The following IKBKB variants were observed in gnomAD, a reference collection of about 807,000 sequenced individuals.
IKBKB encodes the protein inhibitor of nuclear factor kappa B kinase subunit beta.
Under a neutral mutation model 113.6 loss-of-function variants are expected in IKBKB, and 42 were observed. That is an observed-to-expected ratio of 0.37 (90% CI 0.29 to 0.48). The LOEUF (loss-of-function observed/expected upper bound fraction) is 0.48. Among genes scored for constraint, IKBKB ranks in the 20% least tolerant of loss-of-function variants. IKBKB has a pLI of 0.99. For missense variants in IKBKB, 673 were observed against 939.7 expected (o/e 0.72, Z 3.71); for synonymous variants, 296 against 361.3 (o/e 0.82, Z 2.05).
Position 42,316,869 on chromosome 8 carries a change from GAT to G in IKBKB, c.1092_1093del (p.Asp364GlufsTer14). The G allele has an allele frequency of 1.9e-6, 3 of 1,614,016 alleles. No individual in the cohort carries two copies. The highest frequency in any genetic ancestry group is 2.5e-6 in the Non-Finnish European group (3 of 1,180,004). On this transcript the variant is annotated frameshift_variant, in exon 11 of 22. Coordinates refer to ENST00000520810, the MANE Select transcript of IKBKB (RefSeq NM_001556.3). LOFTEE classifies it high-confidence loss of function. This position sits in a 1 kb window ranked among gnomAD's most constrained non-coding sequence, Gnocchi z 4.5. ...GGAAGCGGGCCTGGCGTTGATCCCC[GAT>G]AAGCCTGCCACTCAGTGTATTTCAG... ...LQEAGLALIP[D>X]KPATQCISDG... is the part of the protein sequence containing the mutation.
chr8:42,302,708 A>G (rs1815476905), intron 5 of IKBKB, among the ~76,000 whole-genome samples: 1 of 152,186 alleles, frequency 6.6e-6, no homozygotes, highest in African/African-American at 2.4e-5. Context: ...TATATGAAAC[A>G]AATGAATTTT....
intron 20 of IKBKB, chr8:42,326,395 CT>C: frequency 3.1e-6 from 1 of 324,512 alleles, no homozygotes; most frequent in Non-Finnish European, 5.8e-6. Context: ...GCCACATTCC[CT>C]TCAGGGAGGC....
intron 5 of IKBKB, 28 bp from the exon 6 acceptor site, chr8:42,305,159 A>G (rs755852638): frequency 1.3e-6 from 2 of 1,538,540 alleles, no homozygotes; most frequent in South Asian, 1.1e-5. Context: ...TTTTAGGCCT[A>G]AGAAAAACTC....
chr8:42,316,520 TCATAGC>T lies in IKBKB; in HGVS notation c.930+184_931-182del, dbSNP rs1818709085. Among the ~76,000 whole-genome samples the T allele has an allele frequency of 6.6e-6, 1 of 152,082 alleles. No homozygotes were observed. Among genetic ancestry groups the T allele is most frequent in the African/African-American group, 2.4e-5 (1 of 41,396 alleles). On this transcript the variant is annotated intron_variant, in intron 10 of 21. Transcript: ENST00000520810. The surrounding 1 kb of genome is among the most constrained non-coding windows in gnomAD (Gnocchi z 4.5). ...GTGCTAATTGACATTGGCTATGAGG[TCATAGC>T]CACAGACAGGATTATGAAAGATGCA...
At chr8:42,293,317 A>G in intron 4 of IKBKB, 126 bp from the exon 5 acceptor site, 1 of 1,146,720 alleles carries the variant, frequency 8.7e-7, no homozygotes, top group Non-Finnish European at 1.3e-6. Flanking sequence ...CTTCCTCAAA[A>G]GCAGGTCCCC....
intron 2 of IKBKB, among the ~76,000 whole-genome samples, chr8:42,287,999 CCT>C (rs1811765072): frequency 6.6e-6 from 1 of 152,094 alleles, no homozygotes; most frequent in Admixed American, 6.5e-5. Flanking sequence ...GACAGGGAAA[CCT>C]CTCTGCGCAG....
At chr8:42,290,770 C>A (rs1812454356) in intron 4 of IKBKB, among the ~76,000 whole-genome samples, 2 of 152,146 alleles carry the variant, frequency 1.3e-5, no homozygotes, top group Non-Finnish European at 2.9e-5. Flanking sequence ...GCAGACCCGC[C>A]CCAATCCATC....
chr8:42,312,321 C>T (rs562690471), intron 8 of IKBKB, among the ~76,000 whole-genome samples: 6 of 152,314 alleles, frequency 3.9e-5, no homozygotes, highest in African/African-American at 1.4e-4. Context: ...TTCCTAATGG[C>T]CCAGCGTCTT....
intron 4 of IKBKB, among the ~76,000 whole-genome samples, chr8:42,291,820 T>C (rs967667098): frequency 1.3e-5 from 2 of 152,172 alleles, no homozygotes; most frequent in African/African-American, 4.8e-5. Flanking sequence ...TGGTCCCTAC[T>C]ACTTTGGAGG....
At chr8:42,302,765 CA>C (rs57730472) in intron 5 of IKBKB, among the ~76,000 whole-genome samples, 36,892 of 136,262 alleles carry the variant, frequency 0.27, 9,056 homozygotes, top group African/African-American at 0.66. Context: ...TTCCAAAATC[CA>C]AAAAAAAAAA....
chr8:42,275,491 A>G (rs552906061), intron 2 of IKBKB, among the ~76,000 whole-genome samples: 1 of 152,188 alleles, frequency 6.6e-6, no homozygotes, highest in African/African-American at 2.4e-5. Flanking sequence ...TACCCAACTG[A>G]GATCAGTTTT....
chr8:42,285,075 C>T (rs556415314), intron 2 of IKBKB, among the ~76,000 whole-genome samples: 22 of 151,982 alleles, frequency 1.4e-4, no homozygotes, highest in African/African-American at 4.6e-4. Flanking sequence ...AGGCTGGTCT[C>T]GAACTCCTGA....
In IKBKB at chr8:42,325,131, T is replaced by G. The variant is rs867125236; in HGVS notation, c.1987-839T>G. 6.7e-5 allele frequency: 48 copies of G among 715,142 alleles called. No individual in the cohort carries two copies. In the African/African-American group the frequency reaches 7.3e-4, roughly 11 times the overall value. 44.3% of individuals were successfully genotyped at this position (715,142 alleles called of 1,614,324 possible). ...GGTTGGGGACCATGCAGGGCAGAGA[T>G]CAGCAGAGGGGTGACCTGAAGATTG... On this transcript the variant is annotated intron_variant, in intron 19 of 21. Coordinates refer to ENST00000520810, the MANE Select transcript of IKBKB (RefSeq NM_001556.3).
At chr8:42,295,874 A>G (rs1047440731) in intron 5 of IKBKB, among the ~76,000 whole-genome samples, 3 of 152,170 alleles carry the variant, frequency 2.0e-5, no homozygotes, top group African/African-American at 7.2e-5. Context: ...TTCAGTTACT[A>G]TTGACTTGTG....
chr8:42,285,374 C>A (rs769487284), intron 2 of IKBKB, among the ~76,000 whole-genome samples: 35 of 143,436 alleles, frequency 2.4e-4, no homozygotes, highest in South Asian at 6.5e-4. Flanking sequence ...AGTGAGACTC[C>A]GTCTCTACAA....
rs1001759850 is a variant in IKBKB, at chr8:42,309,445, A to C, written c.692+420A>C. On this transcript the variant is annotated intron_variant, in intron 8 of 21. Coordinates refer to ENST00000520810, the MANE Select transcript of IKBKB (RefSeq NM_001556.3). The stretch of plus-strand genomic sequence containing the variant: ...CAAATGTTACTACAACCTGAATATA[A>C]ATTTTTGTTTTTAAAGCGTAAGAAT... 3.4e-5 allele frequency: 13 copies of C among 387,754 alleles called. No homozygotes were observed. In the Admixed American group the frequency reaches 4.1e-4, roughly 12 times the overall value. 24.0% of individuals were successfully genotyped at this position (387,754 alleles called of 1,614,324 possible). A position where few individuals can be genotyped will look rare whatever the true frequency, so the allele number is the denominator to read the frequency against.
intron 2 of IKBKB, 33 bp from the exon 3 acceptor site, chr8:42,288,601 G>C: frequency 6.4e-7 from 1 of 1,564,098 alleles, no homozygotes; most frequent in Non-Finnish European, 8.7e-7. Context: ...CCTGCAGCTC[G>C]CTCTGCTGGT....
At chr8:42,299,467 C>T (rs1356163063) in intron 5 of IKBKB, among the ~76,000 whole-genome samples, 2 of 151,870 alleles carry the variant, frequency 1.3e-5, no homozygotes, top group Non-Finnish European at 2.9e-5. Flanking sequence ...AGGACCCACC[C>T]GCCAACCTCT....
chr8:42,296,751 G>C (rs1813930757), intron 5 of IKBKB, among the ~76,000 whole-genome samples: 1 of 151,996 alleles, frequency 6.6e-6, no homozygotes, highest in Admixed American at 6.6e-5. Flanking sequence ...CACACATCAT[G>C]AACAGCTCCA....
Sources: allele counts gnomAD v4.1 joint callset (sites outside exome capture counted in the v4.1 genomes callset), GRCh38; gene constraint gnomAD v4.1.1; non-coding constraint Gnocchi (gnomAD v3.1); transcripts MANE v1.5; gene names NCBI Gene and HGNC (gene_info 2026-07-23, HGNC 2026-07-21).